OPHN1: variants seen among roughly 807,000 people sequenced by gnomAD.
OPHN1 encodes oligophrenin 1.
Under a neutral mutation model 60.7 loss-of-function variants are expected in OPHN1, and 11 were observed. The observed-to-expected ratio is 0.18, with a 90% CI of 0.11 to 0.30. OPHN1 has a LOEUF of 0.30. Ranked by LOEUF, OPHN1 falls within the 10% of genes least tolerant of loss-of-function variation. The pLI, the probability that OPHN1 is intolerant of heterozygous loss-of-function variation, is 1.00. For synonymous variants in OPHN1, 226 were observed against 222.6 expected, an observed-to-expected ratio of 1.02 and a Z score of -0.14; for missense variants, 449 against 611.0, an observed-to-expected ratio of 0.73 and a Z score of 2.80.
intron 15 of OPHN1, among the ~76,000 whole-genome samples, chrX:68,161,616 T>C (rs1462471968): frequency 9.0e-6 from 1 of 111,077 alleles, no homozygotes; most frequent in Admixed American, 9.6e-5. Context: ...GAACAATCTT[T>C]ACACTGATGG....
At chrX:68,404,066 T>C (rs2078728582) in intron 2 of OPHN1, among the ~76,000 whole-genome samples, 1 of 110,295 alleles carries the variant, frequency 9.1e-6, no homozygotes, top group African/African-American at 3.3e-5. Context: ...ATCTGCACAA[T>C]AGGCTTAATG....
chrX:68,059,133 T>G (rs982147965), intron 21 of OPHN1, among the ~76,000 whole-genome samples: 3 of 111,903 alleles, frequency 2.7e-5, no homozygotes, highest in African/African-American at 9.7e-5. Flanking sequence ...TCCACCAAGC[T>G]GTACTTCTTT....
rs1455180134 is a variant in OPHN1, at chrX:68,132,313, T to C, written c.1277-12981A>G. The stretch of plus-strand genomic sequence containing the variant: ...TGGAACCAACCCAAATGTCCAACAA[T>C]GATAGACTGGATTAAGAAAATGTGG... On this transcript the variant is annotated intron_variant, in intron 15 of 24. Transcript: ENST00000355520. 3.8e-5 allele frequency among the ~76,000 whole-genome samples: 4 copies of C among 104,395 alleles called. No homozygotes were observed. In the East Asian group the frequency reaches 1.2e-3, roughly 32 times the overall value. The allele number at this position is 104,395 out of a possible 115,157, so 90.7% of individuals were successfully genotyped here.
intron 19 of OPHN1, among the ~76,000 whole-genome samples, chrX:68,077,650 G>A (rs2076958389): frequency 9.0e-6 from 1 of 111,454 alleles, no homozygotes. Context: ...CAAAGAAAAG[G>A]GTCTAAAAGC....
At chrX:68,351,864 T>C (rs2078413272) in intron 2 of OPHN1, among the ~76,000 whole-genome samples, 1 of 69,715 alleles carries the variant, frequency 1.4e-5, no homozygotes, top group Non-Finnish European at 2.4e-5. Flanking sequence ...GCCTGGCTAA[T>C]TTTTTTTTCT....
chrX:68,206,720 G>A lies in OPHN1; in HGVS notation c.833-47C>T, dbSNP rs913507469. 8 of 947,575 alleles carry A rather than the reference G, an allele frequency of 8.4e-6. No individual in the cohort carries two copies. The South Asian group carries it at 1.4e-4, about 16-fold the overall frequency. The allele number at this position is 947,575 out of a possible 1,213,427, so 78.1% of individuals were successfully genotyped here. ...AGCAGACAGAATAACTATTTTAGCT[G>A]TATAGGAAGTCAACCCTAAGATGGA... On this transcript the variant is annotated intron_variant, in intron 9 of 24. Transcript: ENST00000355520.
At chrX:68,049,981 G>T (rs150753101) in intron 23 of OPHN1, among the ~76,000 whole-genome samples, 1 of 112,028 alleles carries the variant, frequency 8.9e-6, no homozygotes, top group Non-Finnish European at 1.9e-5. Flanking sequence ...TCATTCAAAC[G>T]CTAGGCCGTA....
intron 2 of OPHN1, among the ~76,000 whole-genome samples, chrX:68,387,883 A>C (rs965689233): frequency 6.3e-5 from 7 of 111,110 alleles, no homozygotes; most frequent in African/African-American, 2.3e-4. Context: ...ACTATGTTTG[A>C]GTGTGATGCA....
Position 68,433,231 on chromosome X carries a change from T to C in OPHN1, c.-68A>G, listed in dbSNP as rs899727929. 1.3e-4 allele frequency: 53 copies of C among 421,566 alleles called. No individual in the cohort carries two copies. The highest frequency in any genetic ancestry group is 1.1e-4 in the Non-Finnish European group (28 of 246,603). The allele number at this position is 421,566 out of a possible 1,213,427, so 34.7% of individuals were successfully genotyped here. A position where few individuals can be genotyped will look rare whatever the true frequency, so the allele number is the denominator to read the frequency against. On this transcript the variant is annotated 5_prime_UTR_variant, in exon 1 of 25. Coordinates refer to ENST00000355520, the MANE Select transcript of OPHN1 (RefSeq NM_002547.3). ...GGACAGAGAACAGGCGCCCCGGCGA[T>C]GGCTTCAGGGCCAGGGAGAGCTAAC...
At chrX:68,217,941 C>G (rs1299223234) in intron 6 of OPHN1, among the ~76,000 whole-genome samples, 1 of 78,600 alleles carries the variant, frequency 1.3e-5, no homozygotes. Context: ...ATGACTTTGA[C>G]GAGCTGAGAG....
chrX:68,380,160 G>A (rs1206673230), intron 2 of OPHN1, among the ~76,000 whole-genome samples: 2 of 111,331 alleles, frequency 1.8e-5, no homozygotes, highest in Non-Finnish European at 3.8e-5. Flanking sequence ...AATCTTGGGA[G>A]GGTGTATGTG....
chrX:68,048,325 C>A lies in OPHN1; in HGVS notation c.*8+91G>T. The A allele has an allele frequency of 3.7e-6, 3 of 819,342 alleles. No individual in the cohort carries two copies. The Admixed American group carries it at 6.9e-5, about 19-fold the overall frequency. 67.5% of individuals were successfully genotyped at this position (819,342 alleles called of 1,213,427 possible). On this transcript the variant is annotated intron_variant, in intron 24 of 24. Coordinates refer to ENST00000355520, the MANE Select transcript of OPHN1 (RefSeq NM_002547.3). ...AGAAGTGAGTTCCCACCCTTCTGAT[C>A]TACATGTTATTCCAGTCCTCAAAAT...
intron 2 of OPHN1, among the ~76,000 whole-genome samples, chrX:68,417,807 G>C (rs2078806487): frequency 8.9e-6 from 1 of 112,477 alleles, no homozygotes; most frequent in Non-Finnish European, 1.9e-5. Flanking sequence ...TGACTCCTTA[G>C]AGGTAAGACT....
chrX:68,225,043 G>A lies in OPHN1; in HGVS notation c.486+9444C>T, dbSNP rs139511857. ...CACCCTAATACTGCGCTTTTCCAACGGTCTTAGCAAATGGCACACCAGGAG... is the reference window on the plus strand; with the variant it reads ...CACCCTAATACTGCGCTTTTCCAACAGTCTTAGCAAATGGCACACCAGGAG... On this transcript the variant is annotated intron_variant, in intron 6 of 24. Transcript: ENST00000355520. Among the ~76,000 whole-genome samples the A allele has an allele frequency of 3.2e-3, 360 of 112,298 alleles. 1 individual carries two copies. The highest frequency in any genetic ancestry group is 0.011 in the African/African-American group (344 of 30,986).
intron 19 of OPHN1, among the ~76,000 whole-genome samples, chrX:68,085,607 A>G (rs777669664): frequency 6.2e-5 from 7 of 112,266 alleles, no homozygotes; most frequent in Non-Finnish European, 1.3e-4. Context: ...AACTACAGAT[A>G]TAACTAGTGG....
chrX:68,217,450 C>G (rs2077618728), intron 6 of OPHN1, among the ~76,000 whole-genome samples: 1 of 112,172 alleles, frequency 8.9e-6, no homozygotes, highest in Non-Finnish European at 1.9e-5. Context: ...GCCTGCCTGC[C>G]TCTGTAGGCT....
chrX:68,379,546 G>A (rs1449025760), intron 2 of OPHN1, among the ~76,000 whole-genome samples: 2 of 104,833 alleles, frequency 1.9e-5, no homozygotes, highest in Non-Finnish European at 3.9e-5. Flanking sequence ...TGCCCATTCA[G>A]TATGATATTG....
intron 15 of OPHN1, among the ~76,000 whole-genome samples, chrX:68,146,275 A>G (rs2077263507): frequency 6.3e-5 from 7 of 111,927 alleles, no homozygotes; most frequent in Admixed American, 4.7e-4. Context: ...TATGCTCTAC[A>G]GATCACTACA....
intron 11 of OPHN1, among the ~76,000 whole-genome samples, chrX:68,199,217 T>C (rs1184984157): frequency 9.0e-6 from 1 of 111,686 alleles, no homozygotes; most frequent in African/African-American, 3.3e-5. Flanking sequence ...AGCCTAAATT[T>C]AGAACCAGGT....
Sources: gnomAD v4.1 joint callset for allele counts (sites outside exome capture counted in the v4.1 genomes callset) on GRCh38, gnomAD v4.1.1 for gene constraint, MANE v1.5 for transcripts, NCBI Gene and HGNC (gene_info 2026-07-23, HGNC 2026-07-21) for gene names.